The following IKZF3 variants were observed in gnomAD, a reference collection of about 807,000 sequenced individuals.
IKZF3 encodes the protein zinc finger protein Aiolos.
In IKZF3, 10 loss-of-function variants were observed where a neutral mutation model predicts 49.0. The observed-to-expected ratio is 0.20, with a 90% CI of 0.13 to 0.35. The LOEUF (loss-of-function observed/expected upper bound fraction) is 0.35, where lower values mean the gene tolerates loss of function less well. Ranked by LOEUF, IKZF3 falls within the 10% of genes least tolerant of loss-of-function variation. The pLI is 1.00. For synonymous variants in IKZF3, 209 were observed against 228.2 expected (o/e 0.92, Z 0.76); for missense variants, 498 against 664.8 (o/e 0.75, Z 2.76).
chr17:39,801,600 T>G (rs781619848), intron 3 of IKZF3, among the ~76,000 whole-genome samples: 127 of 152,316 alleles, frequency 8.3e-4, no homozygotes, highest in Non-Finnish European at 2.9e-4. Context: ...ATGTCTATAC[T>G]TCTCTCCCAC....
chr17:39,842,452 A>G (rs35405174), intron 1 of IKZF3, among the ~76,000 whole-genome samples: 8,814 of 152,274 alleles, frequency 0.058, 403 homozygotes, highest in African/African-American at 0.12. Context: ...TTGAAAGTAT[A>G]AGTCGGGAAC....
rs190862741 is a variant in IKZF3, at chr17:39,804,321, G to A, written c.164-11388C>T. On this transcript the variant is annotated intron_variant, in intron 3 of 7. Coordinates refer to ENST00000346872, the MANE Select transcript of IKZF3 (RefSeq NM_012481.5). ...ACATTAGCTGGGCATAGTGGCACGC[G>A]CCTGTAATCCCAGCTACTCAGGAGG... is the stretch of plus-strand genomic sequence containing the variant. Among the ~76,000 whole-genome samples, 63 of 152,008 alleles carry A rather than the reference G, an allele frequency of 4.1e-4. 1 individual carries two copies. In the East Asian group the frequency reaches 0.011, roughly 28 times the overall value.
Position 39,850,016 on chromosome 17 carries a change from G to GGT in IKZF3, c.7+14102_7+14103dup, listed in dbSNP as rs1016784737. On this transcript the variant is annotated intron_variant, in intron 1 of 7. Transcript: ENST00000346872. Reference sequence around the variant, plus strand: ...AGAACCCAGAAATGGTATTCCTGGGGGTGTGTGTGTGTGTGTGTATATATA... The same window carrying GGT: ...AGAACCCAGAAATGGTATTCCTGGGGGTGTGTGTGTGTGTGTGTGTATATATA... 1.2e-3 allele frequency among the ~76,000 whole-genome samples: 156 copies of GGT among 133,938 alleles called. 1 individual carries two copies. Among genetic ancestry groups the GGT allele is most frequent in the Middle Eastern group, 3.8e-3 (1 of 264 alleles). 87.9% of individuals were successfully genotyped at this position (133,938 alleles called of 152,430 possible).
chr17:39,777,954 T>G (rs2060632729), intron 6 of IKZF3, 187 bp from the exon 7 acceptor site: 1 of 1,291,846 alleles, frequency 7.7e-7, no homozygotes, highest in Non-Finnish European at 9.8e-7. Context: ...CAGGGCACAT[T>G]CAAATCTTGC....
rs560055727 is a variant in IKZF3, at chr17:39,840,940, G to T, written c.8-8789C>A. On this transcript the variant is annotated intron_variant, in intron 1 of 7. Transcript: ENST00000346872. ...GCCTGTAGTCCCAACATTTTGGGAG[G>T]CCAAGGTGGGCAGGTTGCTTGAGCC... Among the ~76,000 whole-genome samples, 18 of 152,316 alleles carry T rather than the reference G, an allele frequency of 1.2e-4. 1 individual carries two copies. The Middle Eastern group carries it at 0.01, about 86-fold the overall frequency.
chr17:39,792,555 A>C (rs1017000433), intron 4 of IKZF3, 118 bp downstream of exon 4: 9 of 1,020,774 alleles, frequency 8.8e-6, no homozygotes, highest in Non-Finnish European at 1.3e-5. Flanking sequence ...AGAGAGATAC[A>C]TCAGCATTAT....
intron 5 of IKZF3, among the ~76,000 whole-genome samples, chr17:39,789,983 C>T (rs1158438626): frequency 6.6e-6 from 1 of 151,994 alleles, no homozygotes; most frequent in Non-Finnish European, 1.5e-5. Flanking sequence ...AAGGTTTCAC[C>T]CATACAATTC....
At chr17:39,815,371 T>C (rs1328974299) in intron 3 of IKZF3, among the ~76,000 whole-genome samples, 6 of 152,268 alleles carry the variant, frequency 3.9e-5, no homozygotes, top group Admixed American at 6.5e-5. Flanking sequence ...CTTGCTGGGA[T>C]GACATTCCAC....
intron 1 of IKZF3, among the ~76,000 whole-genome samples, chr17:39,854,414 TCTAAA>T (rs1368022805): frequency 6.6e-6 from 1 of 151,846 alleles, no homozygotes; most frequent in Non-Finnish European, 1.5e-5. Context: ...GTGGCTAAGC[TCTAAA>T]CTAAACAAAA....
chr17:39,839,380 G>A, intron 1 of IKZF3: 2 of 600,500 alleles, frequency 3.3e-6, no homozygotes, highest in South Asian at 2.9e-5. Context: ...TACAGACTCA[G>A]CTTGGTTCTT....
chr17:39,768,441 T>C (rs2060351144), intron 7 of IKZF3, among the ~76,000 whole-genome samples: 1 of 152,206 alleles, frequency 6.6e-6, no homozygotes, highest in African/African-American at 2.4e-5. Flanking sequence ...TCAAGAAGTA[T>C]GAAATACAGT....
rs533901493 is a variant in IKZF3, at chr17:39,816,865, C to T, written c.163+12522G>A. ...AGTAGCTGGGATTACAGGCATGCGC[C>T]ACCACGCCCAGCTAATTTTTGTATT... On this transcript the variant is annotated intron_variant, in intron 3 of 7. Coordinates refer to ENST00000346872, the MANE Select transcript of IKZF3 (RefSeq NM_012481.5). Among the ~76,000 whole-genome samples, 3 of 152,286 alleles carry T rather than the reference C, an allele frequency of 2.0e-5. No homozygotes were observed. In the South Asian group the frequency reaches 6.2e-4, roughly 32 times the overall value.
intron 7 of IKZF3, among the ~76,000 whole-genome samples, 178 bp from the exon 8 acceptor site, chr17:39,766,671 G>A (rs1230758971): frequency 2.0e-5 from 3 of 152,204 alleles, no homozygotes; most frequent in Non-Finnish European, 4.4e-5. Context: ...CGGCAGCAAC[G>A]TGTTTGGATG....
At chr17:39,773,209 C>G (rs1174448596) in intron 7 of IKZF3, among the ~76,000 whole-genome samples, 1 of 152,188 alleles carries the variant, frequency 6.6e-6, no homozygotes, top group Non-Finnish European at 1.5e-5. Flanking sequence ...AAGGAAGGGC[C>G]TGGACTGCAG....
chr17:39,855,068 A>C (rs1159528634), intron 1 of IKZF3, among the ~76,000 whole-genome samples: 1 of 152,184 alleles, frequency 6.6e-6, no homozygotes, highest in Non-Finnish European at 1.5e-5. Context: ...AGTCATTTTC[A>C]AAATGTGTTT....
At chr17:39,803,378 G>A (rs1162503861) in intron 3 of IKZF3, among the ~76,000 whole-genome samples, 1 of 152,146 alleles carries the variant, frequency 6.6e-6, no homozygotes, top group African/African-American at 2.4e-5. Context: ...TACATTTAAA[G>A]AGGCTGAAGT....
chr17:39,783,893 C>T (rs1400080875), intron 6 of IKZF3, among the ~76,000 whole-genome samples: 6 of 152,100 alleles, frequency 3.9e-5, no homozygotes, highest in South Asian at 2.1e-4. Context: ...CGTGCCACTG[C>T]ACTCCAGCCT....
chr17:39,812,222 C>T (rs916605981), intron 3 of IKZF3, among the ~76,000 whole-genome samples: 1 of 152,164 alleles, frequency 6.6e-6, no homozygotes, highest in Non-Finnish European at 1.5e-5. Context: ...GTGGAGAGAG[C>T]TCATGTACTC....
At chr17:39,843,721 C>T (rs925521968) in intron 1 of IKZF3, among the ~76,000 whole-genome samples, 2 of 151,108 alleles carry the variant, frequency 1.3e-5, no homozygotes, top group Non-Finnish European at 2.9e-5. Flanking sequence ...ACAGGAAAAT[C>T]GCTTGAACAC....
Sources: allele counts gnomAD v4.1 joint callset (sites outside exome capture counted in the v4.1 genomes callset), GRCh38; gene constraint gnomAD v4.1.1; transcripts MANE v1.5; gene names NCBI Gene and HGNC (gene_info 2026-07-23, HGNC 2026-07-21).